Variants in TSPAN12 observed in about 807,000 individuals in gnomAD.
TSPAN12 encodes tetraspanin-12.
A neutral mutation model predicts 39.2 loss-of-function variants in TSPAN12; 19 were observed. The ratio of observed to expected loss-of-function variants is 0.49; its 90% CI spans 0.34 to 0.71. The LOEUF (loss-of-function observed/expected upper bound fraction) is 0.71, where lower values mean the gene tolerates loss of function less well. Ranked by LOEUF, TSPAN12 falls within the 30% of genes least tolerant of loss-of-function variation. The pLI, the probability that TSPAN12 is intolerant of heterozygous loss-of-function variation, is 0.01. For missense variants in TSPAN12, 314 were observed against 359.9 expected (o/e 0.87, Z 1.03); for synonymous variants, 119 against 124.8 (o/e 0.95, Z 0.31).
In TSPAN12 at chr7:120,838,846, A is replaced by G; in HGVS notation, c.216T>C (p.Cys72=). The stretch of plus-strand genomic sequence containing the variant: ...CTAACATCCCCACAATGATAAGGAA[A>G]CAGCAAACAGCAATCATGACCGGAT... ...VVHPVMIAVC[C]FLIIVGMLGY... is the part of the protein sequence containing the mutation. Residue 72 remains cysteine, a synonymous_variant, in exon 4 of 8, where the codon TGT becomes TGC. Coordinates refer to ENST00000222747, the MANE Select transcript of TSPAN12 (RefSeq NM_012338.4). The G allele has an allele frequency of 6.2e-7, 1 of 1,614,078 alleles. No individual in the cohort carries two copies. Among genetic ancestry groups the G allele is most frequent in the Non-Finnish European group, 8.5e-7 (1 of 1,179,946 alleles).
intron 7 of TSPAN12, among the ~76,000 whole-genome samples, chr7:120,796,064 T>C (rs1332171603): frequency 1.2e-5 from 1 of 83,312 alleles, no homozygotes; most frequent in Non-Finnish European, 3.0e-5. Context: ...TTTTTCATTT[T>C]TACCAAAAAA....
At chr7:120,830,856 C>T (rs894446084) in intron 4 of TSPAN12, among the ~76,000 whole-genome samples, 1 of 151,782 alleles carries the variant, frequency 6.6e-6, no homozygotes, top group Non-Finnish European at 1.5e-5. Flanking sequence ...AGAGTGAAAC[C>T]CATTGATTAG....
At chr7:120,846,949 C>G (rs928073721) in intron 2 of TSPAN12, among the ~76,000 whole-genome samples, 2 of 152,104 alleles carry the variant, frequency 1.3e-5, no homozygotes, top group African/African-American at 4.8e-5. Flanking sequence ...AGAACAAAGG[C>G]CCCACGAGGG....
intron 6 of TSPAN12, among the ~76,000 whole-genome samples, chr7:120,808,477 T>G (rs1459106972): frequency 6.6e-6 from 1 of 152,154 alleles, no homozygotes; most frequent in Non-Finnish European, 1.5e-5. Flanking sequence ...GAGATAGTAC[T>G]ACTCTTGCTA....
intron 2 of TSPAN12, among the ~76,000 whole-genome samples, chr7:120,845,738 A>G (rs1230549310): frequency 1.3e-5 from 2 of 152,188 alleles, no homozygotes; most frequent in Non-Finnish European, 2.9e-5. Flanking sequence ...CAATATTACT[A>G]TCAGCATTTT....
chr7:120,818,912 C>T (rs1794135246), intron 4 of TSPAN12, among the ~76,000 whole-genome samples: 1 of 152,032 alleles, frequency 6.6e-6, no homozygotes, highest in African/African-American at 2.4e-5. Flanking sequence ...CAATTTTTAT[C>T]CGACCTTTCT....
intron 4 of TSPAN12, among the ~76,000 whole-genome samples, chr7:120,823,287 G>T (rs1371647388): frequency 6.6e-6 from 1 of 150,484 alleles, no homozygotes; most frequent in African/African-American, 2.4e-5. Context: ...AGCAGGTCTA[G>T]AATGTTCTGA....
chr7:120,833,033 A>C (rs1794416027), intron 4 of TSPAN12, among the ~76,000 whole-genome samples: 1 of 152,114 alleles, frequency 6.6e-6, no homozygotes, highest in Admixed American at 6.6e-5. Context: ...GCTGCATTTG[A>C]ATGCTAACAA....
In TSPAN12 at chr7:120,815,732, A is replaced by G; in HGVS notation, c.357T>C (p.Leu119=). The G allele has an allele frequency of 6.2e-7, 1 of 1,612,324 alleles. No individual in the cohort carries two copies. Among genetic ancestry groups the G allele is most frequent in the Non-Finnish European group, 8.5e-7 (1 of 1,179,098 alleles). The stretch of plus-strand genomic sequence containing the variant: ...ATTATATCTATTTTGAACTCACCAT[A>G]AGTTCCTGTTCATATGTCCAAACGC... ...ACGVWTYEQE[L]MVPVQWSDMV... is the part of the protein sequence containing the mutation. The change falls in exon 5 of 8, where the codon CTT becomes CTC. Residue 119 remains leucine, a synonymous_variant. Coordinates refer to ENST00000222747, the MANE Select transcript of TSPAN12 (RefSeq NM_012338.4).
At chr7:120,851,949 A>T (rs2116505073) in intron 2 of TSPAN12, among the ~76,000 whole-genome samples, 1 of 152,352 alleles carries the variant, frequency 6.6e-6, no homozygotes, top group East Asian at 1.9e-4. Flanking sequence ...AATCAAGGTG[A>T]CTGGATCCAT....
intron 7 of TSPAN12, among the ~76,000 whole-genome samples, chr7:120,789,351 A>G (rs1227998778): frequency 1.3e-5 from 2 of 152,198 alleles, no homozygotes; most frequent in African/African-American, 2.4e-5. Context: ...GAAACTTCAA[A>G]CACATAAAAA....
intron 7 of TSPAN12, among the ~76,000 whole-genome samples, chr7:120,789,809 C>T (rs1454395511): frequency 1.3e-5 from 2 of 152,092 alleles, no homozygotes; most frequent in Non-Finnish European, 2.9e-5. Context: ...CAGGTGAATG[C>T]CAGCAGCTGT....
At chr7:120,829,869 A>T (rs1014037788) in intron 4 of TSPAN12, among the ~76,000 whole-genome samples, 2 of 152,192 alleles carry the variant, frequency 1.3e-5, no homozygotes, top group African/African-American at 2.4e-5. Flanking sequence ...GACATAGTAC[A>T]CCATACAAAA....
At chr7:120,795,476 G>A (rs1584921707) in intron 7 of TSPAN12, among the ~76,000 whole-genome samples, 1 of 152,148 alleles carries the variant, frequency 6.6e-6, no homozygotes. Flanking sequence ...ATTATTCTCT[G>A]ATCTATCTCC....
chr7:120,853,884 A>AAG (rs1794819407), intron 2 of TSPAN12, among the ~76,000 whole-genome samples: 1 of 147,792 alleles, frequency 6.8e-6, no homozygotes, highest in East Asian at 1.9e-4. Flanking sequence ...AAAAAAAAAA[A>AAG]AAAAGAAAAG....
At chr7:120,819,657 C>A (rs565965210) in intron 4 of TSPAN12, among the ~76,000 whole-genome samples, 48 of 152,232 alleles carry the variant, frequency 3.2e-4, no homozygotes, top group Middle Eastern at 6.8e-3. Flanking sequence ...TCACGGTCAG[C>A]TGTCTTTTCT....
At position 120,847,932 on chromosome 7, in the gene TSPAN12, C is replaced by A. The variant is rs575788731; in HGVS notation, c.67-7823G>T. 2.3e-4 allele frequency among the ~76,000 whole-genome samples: 35 copies of A among 152,312 alleles called. No individual in the cohort carries two copies. The South Asian group carries it at 5.2e-3, about 23-fold the overall frequency. Reference sequence around the variant, plus strand: ...ACTCTTGAGCAGGGCACACCAGGCCCTCTTCAGCTACCCCTTAAACTTTTT... The same window carrying A: ...ACTCTTGAGCAGGGCACACCAGGCCATCTTCAGCTACCCCTTAAACTTTTT... On this transcript the variant is annotated intron_variant, in intron 2 of 7. Transcript: ENST00000222747.
chr7:120,798,834 C>T (rs981255782), intron 7 of TSPAN12, among the ~76,000 whole-genome samples: 9 of 151,966 alleles, frequency 5.9e-5, no homozygotes, highest in Admixed American at 2.6e-4. Context: ...GACCCTGTGC[C>T]ACCCTAATAT....
rs77545087 is a variant in TSPAN12, at chr7:120,807,696, C to A, written c.469-1004G>T. The stretch of plus-strand genomic sequence containing the variant: ...AACTAAAATTAACTTTGAAGAATTC[C>A]GAACTTCTCATGCAAAAGGAAACAA... On this transcript the variant is annotated intron_variant, in intron 6 of 7. Coordinates refer to ENST00000222747, the MANE Select transcript of TSPAN12 (RefSeq NM_012338.4). Among the ~76,000 whole-genome samples, 661 of 152,016 alleles carry A rather than the reference C, an allele frequency of 4.3e-3. 3 individuals are homozygous for A. Among genetic ancestry groups the A allele is most frequent in the Non-Finnish European group, 7.2e-3 (486 of 67,944 alleles).
Sources: allele counts gnomAD v4.1 joint callset (sites outside exome capture counted in the v4.1 genomes callset), GRCh38; gene constraint gnomAD v4.1.1; transcripts MANE v1.5; gene names NCBI Gene and HGNC (gene_info 2026-07-23, HGNC 2026-07-21).